GPHN: variants seen among roughly 807,000 people sequenced by gnomAD.
The protein encoded by GPHN is gephyrin.
In GPHN, 17 loss-of-function variants were observed where a neutral mutation model predicts 95.5. That is an observed-to-expected ratio of 0.18 (90% confidence interval 0.12 to 0.27). The LOEUF (loss-of-function observed/expected upper bound fraction) is 0.27, where lower values mean the gene tolerates loss of function less well. GPHN is among the 10% of genes least tolerant of loss of function. The probability of loss-of-function intolerance (pLI) is 1.00; values close to 1 mark genes in which losing one functional copy is unlikely to be tolerated. For missense variants in GPHN, 660 were observed against 978.1 expected (o/e 0.67, Z 4.34); for synonymous variants, 320 against 322.5 (o/e 0.99, Z 0.08).
At chr14:66,524,294 A>T (rs1429889777) in intron 1 of GPHN, among the ~76,000 whole-genome samples, 2 of 152,136 alleles carry the variant, frequency 1.3e-5, no homozygotes, top group Non-Finnish European at 2.9e-5. Context: ...TTTGTAGTAG[A>T]GGAACTTTAA....
At chr14:67,328,183 G>A in the GPHN span, among the ~76,000 whole-genome samples, 16 of 152,334 alleles carry the variant, frequency 1.1e-4, no homozygotes, top group East Asian at 3.1e-3. Context: ...TCTAACTGGT[G>A]TGAGATGGTA....
At chr14:67,278,844 G>A in the GPHN span, among the ~76,000 whole-genome samples, 1 of 151,952 alleles carries the variant, frequency 6.6e-6, no homozygotes, top group South Asian at 2.1e-4. Flanking sequence ...GGGGAGGGGG[G>A]AATCTTGATT....
At chr14:67,084,549 A>G (rs1027033901) in intron 11 of GPHN, among the ~76,000 whole-genome samples, 5 of 152,136 alleles carry the variant, frequency 3.3e-5, no homozygotes, top group African/African-American at 9.7e-5. Context: ...ATGTCATACT[A>G]TCTTGTAATC....
At chr14:67,172,321 G>T (rs1189045871) in intron 21 of GPHN, among the ~76,000 whole-genome samples, 2 of 152,130 alleles carry the variant, frequency 1.3e-5, no homozygotes, top group South Asian at 4.1e-4. Context: ...TATCTTGGCT[G>T]CTCAGAGCAG....
chr14:67,628,927 T>A, the GPHN span, among the ~76,000 whole-genome samples: 1 of 152,232 alleles, frequency 6.6e-6, no homozygotes, highest in Non-Finnish European at 1.5e-5. Context: ...TGTGTACCCA[T>A]GTTCACAGCA....
the GPHN span, chr14:67,338,455 A>C: frequency 2.7e-6 from 2 of 729,602 alleles, no homozygotes; most frequent in Admixed American, 2.9e-5. Flanking sequence ...ATGGTTGCTA[A>C]ATTATGATTC....
chr14:67,505,342 A>G, the GPHN span, among the ~76,000 whole-genome samples: 1 of 152,124 alleles, frequency 6.6e-6, no homozygotes, highest in Non-Finnish European at 1.5e-5. Flanking sequence ...CACCAGGACC[A>G]CTCAGGAAAC....
chr14:66,761,204 T>C (rs2058741315), intron 2 of GPHN, among the ~76,000 whole-genome samples: 1 of 152,192 alleles, frequency 6.6e-6, no homozygotes, highest in South Asian at 2.1e-4. Flanking sequence ...AGTGCTAAAT[T>C]TTCACTGATA....
the GPHN span, among the ~76,000 whole-genome samples, chr14:67,645,015 AT>A: frequency 0.083 from 12,518 of 150,814 alleles, 697 homozygotes; most frequent in East Asian, 0.22. Context: ...AAAAAAAAAA[AT>A]TGAATGCCAT....
chr14:66,511,944 T>G (rs2058055785), intron 1 of GPHN, among the ~76,000 whole-genome samples: 1 of 152,032 alleles, frequency 6.6e-6, no homozygotes, highest in African/African-American at 2.4e-5. Flanking sequence ...CAACAATAAC[T>G]TTGTTCGAAA....
intron 1 of GPHN, among the ~76,000 whole-genome samples, chr14:66,548,644 A>G (rs2059696541): frequency 6.6e-6 from 1 of 152,210 alleles, no homozygotes. Context: ...CTGAGTATTG[A>G]AATTAGGCCA....
the GPHN span, among the ~76,000 whole-genome samples, chr14:67,274,866 T>A: frequency 1.3e-5 from 2 of 152,196 alleles, no homozygotes; most frequent in Non-Finnish European, 2.9e-5. Context: ...TCCTAGGTAT[T>A]TTATTCTCTT....
intron 8 of GPHN, among the ~76,000 whole-genome samples, chr14:66,961,945 T>TATATATATATATATATAC (rs1555452362): frequency 3.8e-5 from 3 of 79,118 alleles, no homozygotes; most frequent in Admixed American, 1.6e-4. Context: ...TATATATATA[T>TATATATATATATATATAC]ATACACATAT....
At chr14:66,883,706 C>T (rs1274893985) in intron 5 of GPHN, among the ~76,000 whole-genome samples, 1 of 152,086 alleles carries the variant, frequency 6.6e-6, no homozygotes. Flanking sequence ...TAAATTCTGT[C>T]TCACTTTCTG....
At chr14:67,623,534 CTTTTTTTT>C in the GPHN span, among the ~76,000 whole-genome samples, 1 of 82,924 alleles carries the variant, frequency 1.2e-5, no homozygotes, top group East Asian at 3.8e-4. Context: ...CTCAGGTAAC[CTTTTTTTT>C]TTTTTTTTTT....
At chr14:67,338,755 T>C in the GPHN span, 1 of 1,611,734 alleles carries the variant, frequency 6.2e-7, no homozygotes. Flanking sequence ...TCTTGTATTT[T>C]CTTTAACCTG....
chr14:67,569,287 G>T, the GPHN span: 1 of 1,105,500 alleles, frequency 9.0e-7, no homozygotes, highest in Non-Finnish European at 1.4e-6. Context: ...GGGAGGAGAA[G>T]ACTCCAAGCA....
the GPHN span, among the ~76,000 whole-genome samples, chr14:67,535,118 G>A: frequency 1.3e-5 from 2 of 152,150 alleles, no homozygotes; most frequent in Non-Finnish European, 2.9e-5. Context: ...TGTATGGTGG[G>A]CCACGATTTT....
chr14:67,383,173 A>T, the GPHN span: 1 of 860,396 alleles, frequency 1.2e-6, no homozygotes, highest in Admixed American at 3.0e-5. Flanking sequence ...TTTATTGCTG[A>T]TAAGTCACTC....
Sources: allele counts gnomAD v4.1 joint callset (sites outside exome capture counted in the v4.1 genomes callset), GRCh38; gene constraint gnomAD v4.1.1; transcripts MANE v1.5; gene names NCBI Gene and HGNC (gene_info 2026-07-23, HGNC 2026-07-21).